The following SYNC variants were observed in gnomAD, a reference collection of about 807,000 sequenced individuals.
The protein encoded by SYNC is syncoilin.
In SYNC, 38 loss-of-function variants were observed where a neutral mutation model predicts 49.5. That is an observed-to-expected ratio of 0.77 (90% CI 0.59 to 1.01). The LOEUF (loss-of-function observed/expected upper bound fraction) is 1.01. Ranked by LOEUF, SYNC falls within the 50% of genes least tolerant of loss-of-function variation. The probability of loss-of-function intolerance (pLI) is 0.00; values close to 1 mark genes in which losing one functional copy is unlikely to be tolerated. For missense variants in SYNC, 579 were observed against 580.6 expected (o/e 1.00, Z 0.03); for synonymous variants, 201 against 230.8 (o/e 0.87, Z 1.17).
intron 1 of SYNC, among the ~76,000 whole-genome samples, chr1:32,697,462 G>A (rs1290968597): frequency 6.6e-6 from 1 of 150,484 alleles, no homozygotes; most frequent in Non-Finnish European, 1.5e-5. Context: ...AGATAACCGT[G>A]GTCAAGTGCG....
rs928327877 is a variant in SYNC, at chr1:32,694,760, T to G, written c.1233+105A>C. 1.2e-5 allele frequency: 14 copies of G among 1,180,236 alleles called. No individual in the cohort carries two copies. The South Asian group carries it at 2.0e-4, about 17-fold the overall frequency. The allele number at this position is 1,180,236 out of a possible 1,614,324, so 73.1% of individuals were successfully genotyped here. A position where few individuals can be genotyped will look rare whatever the true frequency, so the allele number is the denominator to read the frequency against. On this transcript the variant is annotated intron_variant, in intron 2 of 4. Coordinates refer to ENST00000409190, the MANE Select transcript of SYNC (RefSeq NM_030786.3). ...TGCGTGGCCCCAAAGAACAAATTTTTCTTCCTACATGTGACACTATCTTTC... is the reference window on the plus strand; with the variant it reads ...TGCGTGGCCCCAAAGAACAAATTTTGCTTCCTACATGTGACACTATCTTTC...
At chr1:32,682,343 C>A in intron 4 of SYNC, 1 of 153,810 alleles carries the variant, frequency 6.5e-6, no homozygotes, top group Non-Finnish European at 1.4e-5. Flanking sequence ...ATTGTTTGAA[C>A]CCAGGAGGCA....
Position 32,702,469 on chromosome 1 carries a change from A to G in SYNC, c.53+139T>C. On this transcript the variant is annotated intron_variant, in intron 1 of 4. Transcript: ENST00000409190. This position sits in a 1 kb window ranked among gnomAD's most constrained non-coding sequence, Gnocchi z 6.2. The stretch of plus-strand genomic sequence containing the variant: ...CCCGACTCCCCGATGTCCCCTCACG[A>G]GGCGGCTCCAGTGCCCCACCCCGGC... 1.3e-6 allele frequency: 1 copy of G among 783,746 alleles called. No individual in the cohort carries two copies. Among genetic ancestry groups the G allele is most frequent in the Non-Finnish European group, 1.7e-6 (1 of 601,306 alleles). 48.5% of individuals were successfully genotyped at this position (783,746 alleles called of 1,614,324 possible).
chr1:32,681,962 C>T, intron 4 of SYNC, 102 bp from the exon 5 acceptor site: 1 of 1,062,134 alleles, frequency 9.4e-7, no homozygotes, highest in South Asian at 1.4e-5. Context: ...TATGGATGAT[C>T]AGGGATGACT....
chr1:32,690,077 A>G (rs776747426), intron 2 of SYNC, among the ~76,000 whole-genome samples: 23 of 152,174 alleles, frequency 1.5e-4, no homozygotes, highest in Non-Finnish European at 2.8e-4. Context: ...AGAAGCTATT[A>G]TACTACCAAG....
Position 32,680,259 on chromosome 1 carries a change from C to T in SYNC, c.*1591G>A. ...TCAAAACAACACGTTCCTCTTTCCC[C>T]ATATATTCATATATTTTTGCTCGTT... On this transcript the variant is annotated 3_prime_UTR_variant, in exon 5 of 5. Coordinates refer to ENST00000409190, the MANE Select transcript of SYNC (RefSeq NM_030786.3). The T allele has an allele frequency of 8.3e-7, 1 of 1,207,052 alleles. No homozygotes were observed. Among genetic ancestry groups the T allele is most frequent in the East Asian group, 3.9e-5 (1 of 25,884 alleles). The allele number at this position is 1,207,052 out of a possible 1,614,324, so 74.8% of individuals were successfully genotyped here.
At chr1:32,691,564 AAAAAGT>A (rs1437711988) in intron 2 of SYNC, among the ~76,000 whole-genome samples, 1 of 35,322 alleles carries the variant, frequency 2.8e-5, no homozygotes, top group East Asian at 9.3e-4. Flanking sequence ...GAAAAAAAAA[AAAAAGT>A]AGCAAGGCAA....
intron 2 of SYNC, among the ~76,000 whole-genome samples, chr1:32,692,007 C>T (rs1173146780): frequency 6.6e-6 from 1 of 152,078 alleles, no homozygotes; most frequent in East Asian, 1.9e-4. Flanking sequence ...GCGAGGCGGG[C>T]GGATCACAAG....
intron 2 of SYNC, chr1:32,686,119 C>CA (rs1649813500): frequency 1.3e-5 from 2 of 152,238 alleles, no homozygotes; most frequent in Admixed American, 1.3e-4. Flanking sequence ...ATTTCTAAGA[C>CA]AGCACACAAA....
At position 32,679,954 on chromosome 1, in the gene SYNC, T is replaced by G; in HGVS notation, c.*1896A>C. ...TCTAGTAACCCAGGTCTAAAGTAGC[T>G]ACAGAAAGGGGAATATTATGTGTGA... On this transcript the variant is annotated 3_prime_UTR_variant, in exon 5 of 5. Transcript: ENST00000409190. 2.4e-6 allele frequency: 3 copies of G among 1,274,938 alleles called. No individual in the cohort carries two copies. In the South Asian group the frequency reaches 6.7e-5, roughly 28 times the overall value. 79.0% of individuals were successfully genotyped at this position (1,274,938 alleles called of 1,614,324 possible). A position where few individuals can be genotyped will look rare whatever the true frequency, so the allele number is the denominator to read the frequency against.
chr1:32,684,448 A>T (rs1009051403), intron 2 of SYNC, 66 bp from the exon 3 acceptor site: 2 of 1,604,408 alleles, frequency 1.2e-6, no homozygotes, highest in South Asian at 1.1e-5. Flanking sequence ...GTCCACTCTT[A>T]CTTATAAAAC....
At chr1:32,692,271 C>A (rs1014135805) in intron 2 of SYNC, among the ~76,000 whole-genome samples, 2 of 152,036 alleles carry the variant, frequency 1.3e-5, no homozygotes, top group Non-Finnish European at 2.9e-5. Context: ...ATCCCACAGC[C>A]CTTTTACCTG....
At position 32,679,956 on chromosome 1, in the gene SYNC, C is replaced by T. The variant is rs189481690; in HGVS notation, c.*1894G>A. 10 of 1,269,644 alleles carry T rather than the reference C, an allele frequency of 7.9e-6. No individual in the cohort carries two copies. The highest frequency in any genetic ancestry group is 8.0e-5 in the Admixed American group (2 of 25,086). 78.6% of individuals were successfully genotyped at this position (1,269,644 alleles called of 1,614,324 possible). On this transcript the variant is annotated 3_prime_UTR_variant, in exon 5 of 5. Coordinates refer to ENST00000409190, the MANE Select transcript of SYNC (RefSeq NM_030786.3). Reference sequence around the variant, plus strand: ...TAGTAACCCAGGTCTAAAGTAGCTACAGAAAGGGGAATATTATGTGTGATT... The same window carrying T: ...TAGTAACCCAGGTCTAAAGTAGCTATAGAAAGGGGAATATTATGTGTGATT...
rs563001070 is a variant in SYNC, at chr1:32,695,737, C to A, written c.361G>T (p.Val121Leu). The part of the protein sequence containing the change: ...ETTEPDRIQF[V>L]EGPVEPGKPT... ...TTTCCTGGCTCCACGGGCCCCTCCA[C>A]AAACTGTATCCGATCTGGCTCCGTG... is the stretch of plus-strand genomic sequence containing the variant. The change falls in exon 2 of 5, where the codon GTG becomes TTG. Residue 121 changes from valine (V) to leucine (L), a missense_variant. Physicochemically the swap from Val to Leu is conservative, Grantham distance 32. Coordinates refer to ENST00000409190, the MANE Select transcript of SYNC (RefSeq NM_030786.3). 6.4e-7 allele frequency: 1 copy of A among 1,551,590 alleles called. No homozygotes were observed. The highest frequency in any genetic ancestry group is 1.2e-5 in the South Asian group (1 of 84,058).
At chr1:32,703,487 G>A (rs1320459953), upstream of SYNC, 3 of 152,412 alleles carry the variant, frequency 2.0e-5, no homozygotes, top group Non-Finnish European at 2.9e-5. Context: ...CCACTAGTGT[G>A]AGGGTCAAAC....
Position 32,681,782 on chromosome 1 carries a change from G to C in SYNC, c.*68C>G. ...GTCTGGTTGGAAGAGTACATCCAAA[G>C]GGTACTTAGTGATCCTTTGCTAAGA... On this transcript the variant is annotated 3_prime_UTR_variant, in exon 5 of 5. Coordinates refer to ENST00000409190, the MANE Select transcript of SYNC (RefSeq NM_030786.3). 6.2e-7 allele frequency: 1 copy of C among 1,613,906 alleles called. No individual in the cohort carries two copies. The highest frequency in any genetic ancestry group is 8.5e-7 in the Non-Finnish European group (1 of 1,179,846).
At position 32,681,805 on chromosome 1, in the gene SYNC, AG is replaced by A; in HGVS notation, c.*44del. On this transcript the variant is annotated 3_prime_UTR_variant, in exon 5 of 5. Coordinates refer to ENST00000409190, the MANE Select transcript of SYNC (RefSeq NM_030786.3). ...AAGGGTACTTAGTGATCCTTTGCTA[AG>A]AAGTTTTTTGCTGTTTCCGGGTTAC... 1 of 1,614,172 alleles carries A rather than the reference AG, an allele frequency of 6.2e-7. No individual in the cohort carries two copies. The highest frequency in any genetic ancestry group is 8.5e-7 in the Non-Finnish European group (1 of 1,180,020).
At position 32,681,445 on chromosome 1, in the gene SYNC, C is replaced by T; in HGVS notation, c.*405G>A. The T allele has an allele frequency of 5.3e-6, 1 of 189,494 alleles. No individual in the cohort carries two copies. The highest frequency in any genetic ancestry group is 1.1e-5 in the Non-Finnish European group (1 of 92,966). The allele number at this position is 189,494 out of a possible 1,614,324, so 11.7% of individuals were successfully genotyped here. A position where few individuals can be genotyped will look rare whatever the true frequency, so the allele number is the denominator to read the frequency against. ...AATGGAAATTGGCTATCTTTTTGAC[C>T]CCACATGTGCCCCTCAAAAATGTTT... is the stretch of plus-strand genomic sequence containing the variant. On this transcript the variant is annotated 3_prime_UTR_variant, in exon 5 of 5. Transcript: ENST00000409190.
At chr1:32,692,626 A>G (rs147847418) in intron 2 of SYNC, among the ~76,000 whole-genome samples, 1 of 152,098 alleles carries the variant, frequency 6.6e-6, no homozygotes, top group Non-Finnish European at 1.5e-5. Flanking sequence ...CAGGTCTGCA[A>G]TCCCAGCAAC....
Sources: allele counts gnomAD v4.1 joint callset (sites outside exome capture counted in the v4.1 genomes callset), GRCh38; gene constraint gnomAD v4.1.1; non-coding constraint Gnocchi (gnomAD v3.1); transcripts MANE v1.5; gene names NCBI Gene and HGNC (gene_info 2026-07-23, HGNC 2026-07-21).